The following TTYH1 variants were observed in gnomAD, a reference collection of about 807,000 sequenced individuals.
The protein encoded by TTYH1 is tweety family member 1.
A neutral mutation model predicts 61.2 loss-of-function variants in TTYH1; 33 were observed. The observed-to-expected ratio is 0.54, with a 90% confidence interval of 0.41 to 0.72. The LOEUF (loss-of-function observed/expected upper bound fraction) is 0.72. Ranked by LOEUF, TTYH1 falls within the 30% of genes least tolerant of loss-of-function variation. The pLI is 0.00. For missense variants in TTYH1, 538 were observed against 575.8 expected, an observed-to-expected ratio of 0.93 and a Z score of 0.67; for synonymous variants, 308 against 266.4, an observed-to-expected ratio of 1.16 and a Z score of -1.52.
In TTYH1 at chr19:54,435,576, AC is replaced by A; in HGVS notation, c.1161del (p.Asp387GlufsTer90). The A allele has an allele frequency of 6.2e-7, 1 of 1,609,622 alleles. No individual in the cohort carries two copies. The highest frequency in any genetic ancestry group is 8.5e-7 in the Non-Finnish European group (1 of 1,179,308). ...GCAGCCCTGCGGGGCCTGTGCGAAG[AC>A]GCCCTGGAAGGCCTGCTCTTCCTGC... is the stretch of plus-strand genomic sequence containing the variant. ...YGAALRGLCE[D>X]ALEGLLFLLL... is the part of the protein sequence containing the mutation. On this transcript the variant is annotated frameshift_variant, in exon 11 of 14. Coordinates refer to ENST00000376530, the MANE Select transcript of TTYH1 (RefSeq NM_020659.4). LOFTEE classifies it high-confidence loss of function.
intron 10 of TTYH1, chr19:54,435,255 T>C (rs1006668055): frequency 2.5e-6 from 1 of 392,458 alleles, no homozygotes. Flanking sequence ...GGAGGACCCA[T>C]GTGAAAGGGA....
chr19:54,431,029 G>T (rs898323357), intron 9 of TTYH1, 70 bp from the exon 10 acceptor site: 1 of 1,483,762 alleles, frequency 6.7e-7, no homozygotes, highest in Non-Finnish European at 9.3e-7. Flanking sequence ...GGGCGGGGAC[G>T]CAGGGCGGGG....
At chr19:54,424,304 C>T (rs1455821561) in intron 4 of TTYH1, among the ~76,000 whole-genome samples, 1 of 152,196 alleles carries the variant, frequency 6.6e-6, no homozygotes, top group East Asian at 1.9e-4. Flanking sequence ...CAGCGGCCAC[C>T]ATGACGGTGT....
intron 4 of TTYH1, among the ~76,000 whole-genome samples, chr19:54,424,060 C>T (rs1358067676): frequency 6.6e-6 from 1 of 151,892 alleles, no homozygotes. Context: ...ACTTGGGAGG[C>T]TGAGACAGGA....
intron 9 of TTYH1, 27 bp downstream of exon 9, chr19:54,430,932 C>T (rs1313176367): frequency 1.2e-6 from 2 of 1,606,182 alleles, no homozygotes; most frequent in Admixed American, 3.3e-5. Flanking sequence ...TCCCCAGACA[C>T]GCGGACCCCA....
intron 5 of TTYH1, among the ~76,000 whole-genome samples, chr19:54,427,036 C>G (rs1379749225): frequency 6.6e-6 from 1 of 152,020 alleles, no homozygotes. Context: ...CGGTGGCTCA[C>G]ACCTGTAATC....
At position 54,419,118 on chromosome 19, in the gene TTYH1, C is replaced by G; in HGVS notation, c.127-10C>G. On this transcript the variant is annotated splice_polypyrimidine_tract_variant and intron_variant, in intron 1 of 13. Coordinates refer to ENST00000376530, the MANE Select transcript of TTYH1 (RefSeq NM_020659.4). This position sits in a 1 kb window ranked among gnomAD's most constrained non-coding sequence, Gnocchi z 6.1. ...TGCCCTCGGAGGTCTGATGTCACCC[C>G]CTTCCCCAGGCCTTGTTGCTGGTGG... is the stretch of plus-strand genomic sequence containing the variant. The G allele has an allele frequency of 6.2e-7, 1 of 1,606,088 alleles. No homozygotes were observed. Among genetic ancestry groups the G allele is most frequent in the Non-Finnish European group, 8.5e-7 (1 of 1,175,534 alleles).
chr19:54,429,217 G>T lies in TTYH1; in HGVS notation c.735-90G>T, dbSNP rs1032832853. 2.5e-6 allele frequency: 3 copies of T among 1,201,734 alleles called. No homozygotes were observed. The highest frequency in any genetic ancestry group is 2.5e-6 in the Non-Finnish European group (2 of 812,616). 74.4% of individuals were successfully genotyped at this position (1,201,734 alleles called of 1,614,324 possible). On this transcript the variant is annotated intron_variant, in intron 5 of 13. Transcript: ENST00000376530. This position sits in a 1 kb window ranked among gnomAD's most constrained non-coding sequence, Gnocchi z 5.1. The stretch of plus-strand genomic sequence containing the variant: ...CCAGGCTCCAGAGGTGGGTGGAGGT[G>T]GGGGGCGGCTGTGATGGGATTTGGG...
At position 54,415,897 on chromosome 19, in the gene TTYH1, T is replaced by TAA; in HGVS notation, c.126+220_126+221dup. ...GGGTCCAGACCTCGAGCTCTCTAAA[T>TAA]AAGGGAAGGCTGGGGACCTGCACCC... On this transcript the variant is annotated intron_variant, in intron 1 of 13. Coordinates refer to ENST00000376530, the MANE Select transcript of TTYH1 (RefSeq NM_020659.4). This position sits in a 1 kb window ranked among gnomAD's most constrained non-coding sequence, Gnocchi z 5.2. 1.3e-6 allele frequency: 1 copy of TAA among 778,190 alleles called. No individual in the cohort carries two copies. The highest frequency in any genetic ancestry group is 2.0e-6 in the Non-Finnish European group (1 of 508,228). 48.2% of individuals were successfully genotyped at this position (778,190 alleles called of 1,614,324 possible).
chr19:54,422,298 C>T lies in TTYH1; in HGVS notation c.526C>T (p.Arg176Ter), dbSNP rs766483314. 5 of 1,564,838 alleles carry T rather than the reference C, an allele frequency of 3.2e-6. No homozygotes were observed. Among genetic ancestry groups the T allele is most frequent in the Non-Finnish European group, 4.3e-6 (5 of 1,155,846 alleles). ...GCTGGTGGCTGCCGCCCGAGGGGCT[C>T]GACGGCAGGCGGAGGCTGCGGCCCA... ...TELVAAARGA[R>*]RQAEAAAQQL... Residue 176 changes from arginine to a stop codon, truncating the protein, a stop_gained, in exon 4 of 14, where the codon CGA becomes TGA. Transcript: ENST00000376530. LOFTEE classifies it high-confidence loss of function.
rs948747873 is a variant in TTYH1, at chr19:54,421,977, T to A, written c.418-213T>A. Among the ~76,000 whole-genome samples, 1 of 151,986 alleles carries A rather than the reference T, an allele frequency of 6.6e-6. No homozygotes were observed. Among genetic ancestry groups the A allele is most frequent in the Admixed American group, 6.6e-5 (1 of 15,266 alleles). Reference sequence around the variant, plus strand: ...TACCCTGGGCTCAAGCTACCAACCATCCAGAGCTCTGGATAGAGGCCACAG... The same window carrying A: ...TACCCTGGGCTCAAGCTACCAACCAACCAGAGCTCTGGATAGAGGCCACAG... On this transcript the variant is annotated intron_variant, in intron 3 of 13. Coordinates refer to ENST00000376530, the MANE Select transcript of TTYH1 (RefSeq NM_020659.4). This position sits in a 1 kb window ranked among gnomAD's most constrained non-coding sequence, Gnocchi z 4.8.
Position 54,436,396 on chromosome 19 carries a change from A to G in TTYH1, c.*106A>G, listed in dbSNP as rs1345951531. 1 of 1,611,600 alleles carries G rather than the reference A, an allele frequency of 6.2e-7. No homozygotes were observed. The highest frequency in any genetic ancestry group is 1.7e-5 in the Admixed American group (1 of 59,872). On this transcript the variant is annotated 3_prime_UTR_variant, in exon 14 of 14. Coordinates refer to ENST00000376530, the MANE Select transcript of TTYH1 (RefSeq NM_020659.4). The surrounding 1 kb of genome is among the most constrained non-coding windows in gnomAD (Gnocchi z 4.3). ...GCCTGCCTGGGCTCTGACCACTAAC[A>G]CTCTTGGCCATGGACAGCCTGCACA...
chr19:54,435,429 G>A (rs1292460761), intron 10 of TTYH1, 113 bp from the exon 11 acceptor site: 1 of 1,302,352 alleles, frequency 7.7e-7, no homozygotes. Context: ...GCACAGAGTG[G>A]TCAGTTGACG....
chr19:54,430,922 T>G lies in TTYH1; in HGVS notation c.1032+17T>G, dbSNP rs372871383. The G allele has an allele frequency of 6.2e-7, 1 of 1,607,166 alleles. No individual in the cohort carries two copies. Among genetic ancestry groups the G allele is most frequent in the Non-Finnish European group, 8.5e-7 (1 of 1,178,452 alleles). On this transcript the variant is annotated intron_variant, in intron 9 of 13. Coordinates refer to ENST00000376530, the MANE Select transcript of TTYH1 (RefSeq NM_020659.4). ...TCAGCGCAGGTCGGTGGGTGGGCGC[T>G]CCCCAGACACGCGGACCCCACGGGG...
chr19:54,432,764 C>T (rs1304622733), intron 10 of TTYH1: 1 of 152,150 alleles, frequency 6.6e-6, no homozygotes, highest in Non-Finnish European at 1.5e-5. Context: ...TGGGGAGATA[C>T]TTATACTAGA....
chr19:54,423,436 T>A (rs1008421874), intron 4 of TTYH1, among the ~76,000 whole-genome samples: 2 of 152,102 alleles, frequency 1.3e-5, no homozygotes, highest in African/African-American at 4.8e-5. Flanking sequence ...GACCTTGTGA[T>A]CTGCCCGCCT....
At position 54,419,933 on chromosome 19, in the gene TTYH1, AC is replaced by A. The variant is rs1052625415; in HGVS notation, c.305+629del. Among the ~76,000 whole-genome samples the A allele has an allele frequency of 6.6e-6, 1 of 152,154 alleles. No homozygotes were observed. Among genetic ancestry groups the A allele is most frequent in the Non-Finnish European group, 1.5e-5 (1 of 68,028 alleles). ...CCAAGAGCACCTCATCTGTGCCCAG[AC>A]CTGAGCTGGTCTAATTCCTTCTCAC... On this transcript the variant is annotated intron_variant, in intron 2 of 13. Coordinates refer to ENST00000376530, the MANE Select transcript of TTYH1 (RefSeq NM_020659.4). The surrounding 1 kb of genome is among the most constrained non-coding windows in gnomAD (Gnocchi z 6.1).
chr19:54,418,841 G>A (rs1275129022), intron 1 of TTYH1: 3 of 382,292 alleles, frequency 7.8e-6, no homozygotes, highest in East Asian at 3.9e-5. Context: ...GAGAAGGGGC[G>A]GTTCCTGCTA....
In TTYH1 at chr19:54,422,509, G is replaced by C. The variant is rs1248665971; in HGVS notation, c.638+99G>C. ...CCTGGAGGCAGTTTTGGTTGTGACAGCTGGGGAGTGTGTGCGCACTGCTGG... is the reference window on the plus strand; with the variant it reads ...CCTGGAGGCAGTTTTGGTTGTGACACCTGGGGAGTGTGTGCGCACTGCTGG... On this transcript the variant is annotated intron_variant, in intron 4 of 13. Transcript: ENST00000376530. 2.8e-6 allele frequency: 3 copies of C among 1,054,366 alleles called. No individual in the cohort carries two copies. In the African/African-American group the frequency reaches 4.8e-5, roughly 17 times the overall value. The allele number at this position is 1,054,366 out of a possible 1,614,324, so 65.3% of individuals were successfully genotyped here.
Sources: allele counts gnomAD v4.1 joint callset (sites outside exome capture counted in the v4.1 genomes callset), GRCh38; gene constraint gnomAD v4.1.1; non-coding constraint Gnocchi (gnomAD v3.1); transcripts MANE v1.5; gene names NCBI Gene and HGNC (gene_info 2026-07-23, HGNC 2026-07-21).